CSMD3: variants seen among roughly 807,000 people sequenced by gnomAD.
The protein encoded by CSMD3 is CUB and Sushi multiple domains 3, also known as CUB and sushi domain-containing protein 3.
In CSMD3, 177 loss-of-function variants were observed where a neutral mutation model predicts 435.2. The observed-to-expected ratio is 0.41, with a 90% CI of 0.36 to 0.46. The LOEUF (loss-of-function observed/expected upper bound fraction) is 0.46, where lower values mean the gene tolerates loss of function less well. Ranked by LOEUF, CSMD3 falls within the 20% of genes least tolerant of loss-of-function variation. The pLI is 0.34. For missense variants in CSMD3, 4,265 were observed against 4,504.6 expected, an observed-to-expected ratio of 0.95 and a Z score of 1.52; for synonymous variants, 1,656 against 1,520.5, an observed-to-expected ratio of 1.09 and a Z score of -2.07.
chr8:112,740,616 G>A (rs1459006105), intron 13 of CSMD3, among the ~76,000 whole-genome samples: 1 of 151,922 alleles, frequency 6.6e-6, no homozygotes, highest in Non-Finnish European at 1.5e-5. Context: ...TTCCGCAAAG[G>A]AAGTCTGGTT....
chr8:112,920,910 T>C (rs1355003688), intron 10 of CSMD3, among the ~76,000 whole-genome samples: 1 of 143,110 alleles, frequency 7.0e-6, no homozygotes, highest in African/African-American at 2.5e-5. Context: ...GCCATATATA[T>C]ATATATATAC....
chr8:113,361,558 T>C (rs1000070531), intron 1 of CSMD3, among the ~76,000 whole-genome samples: 9 of 152,132 alleles, frequency 5.9e-5, no homozygotes, highest in African/African-American at 1.2e-4. Context: ...ATGTTTCCAA[T>C]GGTCATAAAA....
chr8:113,109,197 A>G (rs1029911428), intron 4 of CSMD3, among the ~76,000 whole-genome samples: 2 of 152,258 alleles, frequency 1.3e-5, no homozygotes, highest in Non-Finnish European at 2.9e-5. Flanking sequence ...AGGATAAAAC[A>G]TCTTTTCCAA....
At chr8:112,992,028 A>C (rs2085475073) in intron 6 of CSMD3, among the ~76,000 whole-genome samples, 1 of 151,918 alleles carries the variant, frequency 6.6e-6, no homozygotes, top group Admixed American at 6.6e-5. Context: ...GCATTTTTGC[A>C]ATAATCAAAA....
intron 31 of CSMD3, among the ~76,000 whole-genome samples, chr8:112,473,532 G>T (rs1464569502): frequency 6.6e-6 from 1 of 152,104 alleles, no homozygotes; most frequent in African/African-American, 2.4e-5. Flanking sequence ...ATCAGATAAA[G>T]ATTGGGTAGC....
intron 27 of CSMD3, among the ~76,000 whole-genome samples, chr8:112,538,658 C>T (rs1826364002): frequency 6.6e-6 from 1 of 151,966 alleles, no homozygotes; most frequent in South Asian, 2.1e-4. Flanking sequence ...TGAAATCTCT[C>T]TACAATGAAA....
At chr8:112,246,091 A>C (rs1172512161) in intron 64 of CSMD3, among the ~76,000 whole-genome samples, 1 of 150,536 alleles carries the variant, frequency 6.6e-6, no homozygotes, top group Non-Finnish European at 1.5e-5. Flanking sequence ...GCTGTTTTAA[A>C]GTACACATTC....
chr8:113,190,897 G>A (rs1203231154), intron 3 of CSMD3, among the ~76,000 whole-genome samples: 1 of 151,666 alleles, frequency 6.6e-6, no homozygotes, highest in African/African-American at 2.4e-5. Context: ...CATATTGAGT[G>A]TAACCACAAC....
chr8:112,989,342 T>A (rs2085365202), intron 6 of CSMD3, among the ~76,000 whole-genome samples: 1 of 152,158 alleles, frequency 6.6e-6, no homozygotes, highest in African/African-American at 2.4e-5. Flanking sequence ...GCATTTCACT[T>A]TATTTCTCTA....
rs140537970 is a variant in CSMD3, at chr8:113,307,209, G to C, written c.401+7362C>G. ...TTCTGGAAAAAACTTAGTTTATCAA[G>C]TAATACTTTTAAGAATGTACTTGAA... On this transcript the variant is annotated intron_variant, in intron 2 of 70. Transcript: ENST00000297405. 8.3e-3 allele frequency among the ~76,000 whole-genome samples: 1,262 copies of C among 152,198 alleles called. 16 individuals carry two copies. Among genetic ancestry groups the C allele is most frequent in the African/African-American group, 0.028 (1,177 of 41,548 alleles).
chr8:113,303,101 T>C (rs1332960042), intron 2 of CSMD3, among the ~76,000 whole-genome samples: 1 of 141,820 alleles, frequency 7.1e-6, no homozygotes, highest in East Asian at 2.0e-4. Context: ...ATCACAAGCA[T>C]TCTTATACAA....
At chr8:112,441,345 T>C (rs1002030910) in intron 32 of CSMD3, among the ~76,000 whole-genome samples, 1 of 152,142 alleles carries the variant, frequency 6.6e-6, no homozygotes, top group Non-Finnish European at 1.5e-5. Flanking sequence ...TACAAGTCTC[T>C]AAGAAGTTCC....
intron 1 of CSMD3, among the ~76,000 whole-genome samples, chr8:113,411,636 C>CT (rs1005487063): frequency 5.4e-4 from 82 of 152,230 alleles, no homozygotes; most frequent in African/African-American, 1.9e-3. Context: ...CCATTAAAGT[C>CT]TAAAAGTAGA....
At chr8:112,460,695 T>C (rs537804074) in intron 32 of CSMD3, among the ~76,000 whole-genome samples, 3 of 152,302 alleles carry the variant, frequency 2.0e-5, no homozygotes, top group African/African-American at 7.2e-5. Flanking sequence ...ACATTTGTTA[T>C]ATAAAATATT....
chr8:112,939,751 A>G (rs2130758801), intron 9 of CSMD3, among the ~76,000 whole-genome samples: 1 of 152,142 alleles, frequency 6.6e-6, no homozygotes, highest in South Asian at 2.1e-4. Flanking sequence ...TTGAAGAAAA[A>G]GTGAGTTTTG....
At chr8:113,179,641 A>G (rs1270517008) in intron 3 of CSMD3, among the ~76,000 whole-genome samples, 1 of 151,846 alleles carries the variant, frequency 6.6e-6, no homozygotes. Context: ...GTAGTTACCA[A>G]AAGATATATT....
intron 13 of CSMD3, among the ~76,000 whole-genome samples, chr8:112,708,778 C>T (rs765204830): frequency 6.7e-6 from 1 of 150,274 alleles, no homozygotes. Flanking sequence ...CTGCAACAAT[C>T]GAGAGCAAAA....
At chr8:112,521,918 C>T (rs1347174264) in intron 27 of CSMD3, among the ~76,000 whole-genome samples, 1 of 151,268 alleles carries the variant, frequency 6.6e-6, no homozygotes, top group East Asian at 1.9e-4. Flanking sequence ...TTATAATAAC[C>T]ATATAAAAAT....
chr8:113,081,567 G>A (rs1026293762), intron 5 of CSMD3, among the ~76,000 whole-genome samples: 5 of 152,100 alleles, frequency 3.3e-5, no homozygotes, highest in Admixed American at 6.6e-5. Context: ...TTGTGACTGC[G>A]TTGTTCCAGA....
Sources: allele counts gnomAD v4.1 joint callset (sites outside exome capture counted in the v4.1 genomes callset), GRCh38; gene constraint gnomAD v4.1.1; transcripts MANE v1.5; gene names NCBI Gene and HGNC (gene_info 2026-07-23, HGNC 2026-07-21).